RARB: variants seen among roughly 807,000 people sequenced by gnomAD.
RARB encodes the protein retinoic acid receptor beta.
A neutral mutation model predicts 51.9 loss-of-function variants in RARB; 17 were observed. The ratio of observed to expected loss-of-function variants is 0.33; its 90% CI spans 0.22 to 0.49. RARB has a LOEUF of 0.49. Among genes scored for constraint, RARB ranks in the 20% least tolerant of loss-of-function variants. The probability of loss-of-function intolerance (pLI) is 0.99; values close to 1 mark genes in which losing one functional copy is unlikely to be tolerated. For missense variants in RARB, 369 were observed against 550.8 expected (o/e 0.67, Z 3.30); for synonymous variants, 215 against 195.4 (o/e 1.10, Z -0.84).
chr3:25,495,282 A>C (rs544701073), intron 2 of RARB, among the ~76,000 whole-genome samples: 46 of 152,332 alleles, frequency 3.0e-4, no homozygotes, highest in Non-Finnish European at 6.5e-4. Context: ...TCCATATCAA[A>C]ATATGCAGGA....
At chr3:25,329,246 C>T (rs913727712) in intron 5 of RARB, among the ~76,000 whole-genome samples, 78 of 152,258 alleles carry the variant, frequency 5.1e-4, no homozygotes, top group African/African-American at 1.7e-3. Context: ...CCCTGACCCC[C>T]GAGTAGCCTA....
intron 3 of RARB, among the ~76,000 whole-genome samples, chr3:25,539,569 T>C (rs1699287929): frequency 1.7e-5 from 2 of 121,020 alleles, no homozygotes; most frequent in Admixed American, 9.1e-5. Flanking sequence ...GCCTATTTTT[T>C]CCCCTTTATT....
At chr3:25,146,511 G>GTTTTTTTTTTT (rs1197635626) in intron 4 of RARB, among the ~76,000 whole-genome samples, 21 of 134,520 alleles carry the variant, frequency 1.6e-4, no homozygotes, top group Admixed American at 3.3e-4. Flanking sequence ...TTGTTTGTTT[G>GTTTTTTTTTTT]TTTTTTTTTT....
intron 5 of RARB, among the ~76,000 whole-genome samples, chr3:25,329,368 C>T (rs531893510): frequency 6.6e-5 from 10 of 152,240 alleles, no homozygotes; most frequent in African/African-American, 1.9e-4. Flanking sequence ...CGTTCTGCAG[C>T]CTCTGCTGGT....
chr3:25,547,094 C>G (rs1435950042), intron 3 of RARB, among the ~76,000 whole-genome samples: 1 of 152,134 alleles, frequency 6.6e-6, no homozygotes. Context: ...AGGCCTCCTC[C>G]AAGGGCAGAG....
At chr3:25,027,868 G>C (rs1374082916) in intron 2 of RARB, among the ~76,000 whole-genome samples, 1 of 152,128 alleles carries the variant, frequency 6.6e-6, no homozygotes, top group African/African-American at 2.4e-5. Context: ...CATCATGGCA[G>C]GGTGCCTGGT....
At chr3:25,336,722 C>A (rs956710367) in intron 5 of RARB, among the ~76,000 whole-genome samples, 1 of 152,064 alleles carries the variant, frequency 6.6e-6, no homozygotes, top group African/African-American at 2.4e-5. Context: ...TGAACTAATC[C>A]TAGGTTTAGT....
chr3:25,272,501 G>A (rs754408318), intron 5 of RARB, among the ~76,000 whole-genome samples: 22 of 152,298 alleles, frequency 1.4e-4, no homozygotes, highest in Admixed American at 3.9e-4. Context: ...AGCTGGATCC[G>A]TTCCTACATC....
chr3:25,197,856 C>T (rs910182761), intron 5 of RARB, among the ~76,000 whole-genome samples: 4 of 151,944 alleles, frequency 2.6e-5, no homozygotes, highest in African/African-American at 4.8e-5. Context: ...CTTCATACTA[C>T]GCGAAGCAAT....
At chr3:25,495,521 C>T (rs1249468049) in intron 2 of RARB, among the ~76,000 whole-genome samples, 3 of 152,216 alleles carry the variant, frequency 2.0e-5, no homozygotes, top group African/African-American at 7.2e-5. Flanking sequence ...TAATCTGAGT[C>T]AGATGTGGGC....
At chr3:25,412,716 C>A (rs147380197) in intron 5 of RARB, among the ~76,000 whole-genome samples, 5 of 152,216 alleles carry the variant, frequency 3.3e-5, no homozygotes, top group Middle Eastern at 3.4e-3. Context: ...GCACTCAGAT[C>A]GAGAAAAAGA....
intron 2 of RARB, among the ~76,000 whole-genome samples, chr3:24,986,108 T>G (rs572733084): frequency 6.6e-6 from 1 of 152,334 alleles, no homozygotes; most frequent in East Asian, 1.9e-4. Flanking sequence ...AGTGCTAAAC[T>G]ATAAATTGTT....
chr3:24,982,490 G>A (rs1696699771), intron 2 of RARB, among the ~76,000 whole-genome samples: 1 of 152,078 alleles, frequency 6.6e-6, no homozygotes, highest in Non-Finnish European at 1.5e-5. Context: ...TTCTCCAAGT[G>A]GAGTAGAATG....
intron 4 of RARB, among the ~76,000 whole-genome samples, chr3:25,155,432 G>A (rs1043292779): frequency 1.3e-5 from 2 of 152,184 alleles, no homozygotes; most frequent in African/African-American, 4.8e-5. Context: ...TTTGGTCATA[G>A]AAGGGGCTCA....
Position 24,862,814 on chromosome 3 carries a change from C to T in RARB, c.-380+4062C>T, listed in dbSNP as rs546794964. The stretch of plus-strand genomic sequence containing the variant: ...TACTGTATCTGTGGTACCTGCCCTT[C>T]GGCAGCCTAGAGTTACAAACTAAAT... On this transcript the variant is annotated intron_variant, in intron 2 of 11. Transcript: ENST00000383772. Among the ~76,000 whole-genome samples, 20 of 152,274 alleles carry T rather than the reference C, an allele frequency of 1.3e-4. No homozygotes were observed. In the South Asian group the frequency reaches 2.7e-3, roughly 21 times the overall value.
At chr3:24,958,391 C>T (rs1183311856) in intron 2 of RARB, among the ~76,000 whole-genome samples, 1 of 144,618 alleles carries the variant, frequency 6.9e-6, no homozygotes, top group Non-Finnish European at 1.5e-5. Flanking sequence ...ACTGTTCTTT[C>T]TGTTCTTAAT....
In RARB at chr3:25,583,955, C is replaced by A. The variant is rs1575541823; in HGVS notation, c.786+3233C>A. On this transcript the variant is annotated intron_variant, in intron 5 of 7. Transcript: ENST00000330688. ...AGGGAGCCCCGGAGCAGGAGTGACCCCTTCACCTGGCTCTGCCCCCATGTT... is the reference window on the plus strand; with the variant it reads ...AGGGAGCCCCGGAGCAGGAGTGACCACTTCACCTGGCTCTGCCCCCATGTT... Among the ~76,000 whole-genome samples the A allele has an allele frequency of 3.3e-5, 5 of 152,274 alleles. 1 individual carries two copies. Among genetic ancestry groups the A allele is most frequent in the Admixed American group, 3.3e-4 (5 of 15,298 alleles).
At chr3:25,423,293 A>G (rs1476629344), upstream of RARB, among the ~76,000 whole-genome samples, 2 of 152,226 alleles carry the variant, frequency 1.3e-5, no homozygotes, top group South Asian at 2.1e-4. Flanking sequence ...TAATAGTACT[A>G]AAAAAGTAGA....
intron 3 of RARB, among the ~76,000 whole-genome samples, chr3:25,090,886 C>A (rs759987001): frequency 6.6e-6 from 1 of 152,094 alleles, no homozygotes; most frequent in Non-Finnish European, 1.5e-5. Flanking sequence ...AGATGGTTTC[C>A]TTCAAGAAAT....
Sources: gnomAD v4.1 joint callset for allele counts (sites outside exome capture counted in the v4.1 genomes callset) on GRCh38, gnomAD v4.1.1 for gene constraint, MANE v1.5 for transcripts, NCBI Gene and HGNC (gene_info 2026-07-23, HGNC 2026-07-21) for gene names.